Variants in DCHS2 observed in about 807,000 individuals in gnomAD.
The protein encoded by DCHS2 is protocadherin-23.
A neutral mutation model predicts 182.4 loss-of-function variants in DCHS2; 142 were observed. The ratio of observed to expected loss-of-function variants is 0.78; its 90% confidence interval spans 0.68 to 0.89. The LOEUF (loss-of-function observed/expected upper bound fraction) is 0.89, where lower values mean the gene tolerates loss of function less well. DCHS2 is among the 40% of genes least tolerant of loss of function. The pLI is 0.00. For missense variants in DCHS2, 4,319 were observed against 4,198.6 expected (o/e 1.03, Z -0.79); for synonymous variants, 1,740 against 1,663.3 (o/e 1.05, Z -1.12).
chr4:154,388,494 ATTT>A (rs35945131), intron 1 of DCHS2, among the ~76,000 whole-genome samples: 3 of 130,672 alleles, frequency 2.3e-5, no homozygotes, highest in Non-Finnish European at 1.6e-5. Context: ...AATAGATGTA[ATTT>A]TTTTTTTTTT....
rs573675400 is a variant in DCHS2, at chr4:154,355,302, A to G, written c.2476+10908T>C. 8.3e-5 allele frequency among the ~76,000 whole-genome samples: 12 copies of G among 143,914 alleles called. No individual in the cohort carries two copies. In the South Asian group the frequency reaches 2.6e-3, roughly 31 times the overall value. The allele number at this position is 143,914 out of a possible 152,430, so 94.4% of individuals were successfully genotyped here. A position where few individuals can be genotyped will look rare whatever the true frequency, so the allele number is the denominator to read the frequency against. ...CTTCTCTGCTCATTATATGCTAATTATAATGCATTAGCATGCTAAGAGGCA... is the reference window on the plus strand; with the variant it reads ...CTTCTCTGCTCATTATATGCTAATTGTAATGCATTAGCATGCTAAGAGGCA... On this transcript the variant is annotated intron_variant, in intron 3 of 19. Coordinates refer to ENST00000357232, the MANE Select transcript of DCHS2 (RefSeq NM_001358235.2).
intron 14 of DCHS2, among the ~76,000 whole-genome samples, chr4:154,264,505 CAG>C (rs1733149676): frequency 1.3e-5 from 2 of 152,020 alleles, no homozygotes; most frequent in East Asian, 1.9e-4. Context: ...AGAGATGTAG[CAG>C]AGAGTCACAT....
chr4:154,235,217 TAGGC>T lies in DCHS2; in HGVS notation c.9431_9434del (p.Cys3144TyrfsTer7), dbSNP rs756927685. 9.9e-6 allele frequency: 16 copies of T among 1,613,940 alleles called. No homozygotes were observed. The African/African-American group carries it at 1.9e-4, about 19-fold the overall frequency. ...TCACCATCACATCAGTTTCCCCAGATAGGCAGGAGAGCTGGTCTGAGTCCCTCGG... is the reference window on the plus strand; with the variant it reads ...TCACCATCACATCAGTTTCCCCAGATAGGAGAGCTGGTCTGAGTCCCTCGG... On this transcript the variant is annotated frameshift_variant, in exon 20 of 20. Coordinates refer to ENST00000357232, the MANE Select transcript of DCHS2 (RefSeq NM_001358235.2). LOFTEE classifies it low-confidence loss of function (END_TRUNC).
chr4:154,326,032 G>T (rs1025003160), intron 7 of DCHS2, among the ~76,000 whole-genome samples: 2 of 152,144 alleles, frequency 1.3e-5, no homozygotes, highest in Admixed American at 1.3e-4. Flanking sequence ...ACCATATTAT[G>T]CAGACAACTG....
Position 154,234,977 on chromosome 4 carries a change from A to G in DCHS2, c.9675T>C (p.Asp3225=). The G allele has an allele frequency of 6.2e-7, 1 of 1,614,046 alleles. No homozygotes were observed. Among genetic ancestry groups the G allele is most frequent in the Admixed American group, 1.7e-5 (1 of 60,004 alleles). ...CAALSTQTTS[D]HDGKDNYHWN... is the part of the protein sequence containing the mutation. ...AGTGATAGTTGTCTTTTCCATCATG[A>G]TCAGAGGTCGTCTGAGTTGAAAGAG... The change falls in exon 20 of 20, where the codon GAT becomes GAC. Residue 3225 remains aspartate (D), a synonymous_variant. Coordinates refer to ENST00000357232, the MANE Select transcript of DCHS2 (RefSeq NM_001358235.2).
chr4:154,322,259 C>T, intron 8 of DCHS2, 72 bp downstream of exon 8: 2 of 1,586,754 alleles, frequency 1.3e-6, no homozygotes, highest in South Asian at 2.3e-5. Flanking sequence ...TGTATCTTCA[C>T]TCTATAAACT....
chr4:154,343,136 A>C (rs1383309023), intron 3 of DCHS2, among the ~76,000 whole-genome samples: 1 of 152,214 alleles, frequency 6.6e-6, no homozygotes, highest in Admixed American at 6.5e-5. Context: ...GTGGGTTTAA[A>C]ATATTCTGTA....
At position 154,233,462 on chromosome 4, in the gene DCHS2, TCTTAACTTTTATAGTAGA is replaced by T. The variant is rs1448492740; in HGVS notation, c.*1056_*1073del. 3 of 152,206 alleles carry T rather than the reference TCTTAACTTTTATAGTAGA, an allele frequency of 2.0e-5. No homozygotes were observed. The highest frequency in any genetic ancestry group is 6.6e-5 in the Admixed American group (1 of 15,260). The allele number at this position is 152,206 out of a possible 1,614,324, so 9.4% of individuals were successfully genotyped here. On this transcript the variant is annotated 3_prime_UTR_variant, in exon 20 of 20. Transcript: ENST00000357232. ...TGGTAAAAAGACTTCTGACTTCTATTCTTAACTTTTATAGTAGAAACATTTCCATAAAAAACTTCATTT... is the reference window on the plus strand; with the variant it reads ...TGGTAAAAAGACTTCTGACTTCTATTAACATTTCCATAAAAAACTTCATTT...
At chr4:154,307,941 G>A (rs142301322) in intron 10 of DCHS2, among the ~76,000 whole-genome samples, 1 of 152,082 alleles carries the variant, frequency 6.6e-6, no homozygotes, top group African/African-American at 2.4e-5. Flanking sequence ...CTTACTCCCT[G>A]TCTCAATGGC....
At chr4:154,387,008 G>C (rs949367430) in intron 1 of DCHS2, among the ~76,000 whole-genome samples, 1 of 152,060 alleles carries the variant, frequency 6.6e-6, no homozygotes, top group Non-Finnish European at 1.5e-5. Context: ...AAAGCATGTG[G>C]AACTATTAAG....
chr4:154,448,217 C>T lies in DCHS2; in HGVS notation c.2052+41087G>A, dbSNP rs534715389. On this transcript the variant is annotated intron_variant, in intron 1 of 19. Coordinates refer to ENST00000357232, the MANE Select transcript of DCHS2 (RefSeq NM_001358235.2). ...CTTGCCCTCCCATTCCTGGCTATGA[C>T]ATGTGGGCGCTCCTCTCTCCCTAGG... Among the ~76,000 whole-genome samples, 3 of 152,296 alleles carry T rather than the reference C, an allele frequency of 2.0e-5. No homozygotes were observed. In the South Asian group the frequency reaches 6.2e-4, roughly 32 times the overall value.
intron 13 of DCHS2, among the ~76,000 whole-genome samples, chr4:154,294,475 A>G (rs937232594): frequency 2.6e-5 from 4 of 152,198 alleles, no homozygotes; most frequent in Non-Finnish European, 4.4e-5. Flanking sequence ...AGCCCCACTC[A>G]GTATTTTGTT....
rs756295492 is a variant in DCHS2 at position 154,235,161 on chromosome 4, A to T, written c.9491T>A (p.Phe3164Tyr). 1 of 1,613,858 alleles carries T rather than the reference A, an allele frequency of 6.2e-7. No individual in the cohort carries two copies. The highest frequency in any genetic ancestry group is 1.7e-5 in the Admixed American group (1 of 59,978). Reference sequence around the variant, plus strand: ...GCCTTCCCCTTGATCTCCTTCCCCAAATGTTTGGCTGGCTTCTGCTGTTTC... The same window carrying T: ...GCCTTCCCCTTGATCTCCTTCCCCATATGTTTGGCTGGCTTCTGCTGTTTC... ...TAETAEASQTFGEGDQGEGCS... is the reference protein window; with the variant it reads ...TAETAEASQTYGEGDQGEGCS... The change falls in exon 20 of 20, where the codon TTT becomes TAT. Residue 3164 changes from phenylalanine to tyrosine, a missense_variant. Physicochemically the swap from Phe to Tyr is conservative, Grantham distance 22. Transcript: ENST00000357232.
chr4:154,283,998 A>C (rs779777248), intron 13 of DCHS2, among the ~76,000 whole-genome samples: 1 of 152,210 alleles, frequency 6.6e-6, no homozygotes, highest in Non-Finnish European at 1.5e-5. Context: ...AGTAATTCTC[A>C]ACTTTGGTTT....
chr4:154,339,320 G>T (rs746109627), intron 3 of DCHS2, among the ~76,000 whole-genome samples: 2 of 152,166 alleles, frequency 1.3e-5, no homozygotes, highest in Non-Finnish European at 2.9e-5. Flanking sequence ...CTGGCCATCT[G>T]CTTTACGCAG....
intron 3 of DCHS2, among the ~76,000 whole-genome samples, chr4:154,351,518 A>G (rs946818618): frequency 1.3e-5 from 2 of 152,202 alleles, no homozygotes; most frequent in African/African-American, 4.8e-5. Flanking sequence ...TTTCTTCTGA[A>G]TAGATGCCTT....
intron 1 of DCHS2, among the ~76,000 whole-genome samples, chr4:154,445,549 A>T (rs1734247209): frequency 1.3e-5 from 2 of 152,160 alleles, no homozygotes; most frequent in East Asian, 3.9e-4. Context: ...GGTGGTTCAC[A>T]CTTGATCCCA....
At chr4:154,351,724 G>T (rs563223996) in intron 3 of DCHS2, among the ~76,000 whole-genome samples, 2 of 152,198 alleles carry the variant, frequency 1.3e-5, no homozygotes, top group South Asian at 4.2e-4. Flanking sequence ...TAAGGAGCAC[G>T]CAACCTAGAT....
rs1270228342 is a variant in DCHS2, at chr4:154,328,133, A to G, written c.3978T>C (p.Asp1326=). The G allele has an allele frequency of 6.2e-7, 1 of 1,609,858 alleles. No homozygotes were observed. Among genetic ancestry groups the G allele is most frequent in the Non-Finnish European group, 8.5e-7 (1 of 1,178,036 alleles). The change falls in exon 7 of 20, where the codon GAT becomes GAC. Residue 1326 remains aspartate, a synonymous_variant. Coordinates refer to ENST00000357232, the MANE Select transcript of DCHS2 (RefSeq NM_001358235.2). ...ATGTAACTTCTGCATTATTTCCTTC[A>G]TCAGGATCCTTTGCAAACACAGTTG... ...LVTTVFAKDP[D]EGNNAEVTYS...
Sources: allele counts gnomAD v4.1 joint callset (sites outside exome capture counted in the v4.1 genomes callset), GRCh38; gene constraint gnomAD v4.1.1; transcripts MANE v1.5; gene names NCBI Gene and HGNC (gene_info 2026-07-23, HGNC 2026-07-21).